Variants in NFIA observed in about 807,000 individuals in gnomAD.
NFIA encodes the protein nuclear factor 1 A-type.
In NFIA, 8 loss-of-function variants were observed where a neutral mutation model predicts 62.8. That is an observed-to-expected ratio of 0.13 (90% CI 0.07 to 0.23). The LOEUF is 0.23. NFIA is among the 10% of genes least tolerant of loss of function. The pLI is 1.00. For synonymous variants in NFIA, 235 were observed against 238.1 expected (o/e 0.99, Z 0.12); for missense variants, 410 against 642.1 (o/e 0.64, Z 3.91).
intron 2 of NFIA, among the ~76,000 whole-genome samples, chr1:61,206,689 G>A (rs1431929807): frequency 6.6e-6 from 1 of 152,166 alleles, no homozygotes; most frequent in African/African-American, 2.4e-5. Flanking sequence ...AAGATGCAAG[G>A]TGTAATCTAG....
chr1:61,441,331 G>GTGTGTGTGTGTGTCTGTCTGTC (rs1360188951), intron 10 of NFIA, among the ~76,000 whole-genome samples: 1 of 142,346 alleles, frequency 7.0e-6, no homozygotes, highest in African/African-American at 2.7e-5. Context: ...GTGTGTGTGT[G>GTGTGTGTGTGTGTCTGTCTGTC]TGTCTGTCTG....
intron 2 of NFIA, among the ~76,000 whole-genome samples, chr1:61,180,189 G>A: frequency 6.6e-6 from 1 of 151,744 alleles, no homozygotes. Context: ...ACCCACCCCA[G>A]TTAGCCCCTG....
At chr1:61,120,920 A>G (rs1358399023) in intron 2 of NFIA, among the ~76,000 whole-genome samples, 2 of 152,200 alleles carry the variant, frequency 1.3e-5, no homozygotes, top group Non-Finnish European at 2.9e-5. Flanking sequence ...GCATTTTATG[A>G]TATCTAATTA....
intron 2 of NFIA, among the ~76,000 whole-genome samples, chr1:61,191,542 G>A (rs942207320): frequency 6.6e-6 from 1 of 152,110 alleles, no homozygotes; most frequent in Admixed American, 6.6e-5. Context: ...AATTCAATTA[G>A]GCAGGAGATA....
At chr1:61,339,064 C>T (rs553940370) in intron 4 of NFIA, among the ~76,000 whole-genome samples, 1 of 152,294 alleles carries the variant, frequency 6.6e-6, no homozygotes, top group South Asian at 2.1e-4. Flanking sequence ...TTTGCCATTA[C>T]ACAATTCAAT....
intron 10 of NFIA, among the ~76,000 whole-genome samples, chr1:61,434,798 G>T (rs1667258246): frequency 6.6e-6 from 1 of 152,012 alleles, no homozygotes; most frequent in African/African-American, 2.4e-5. Context: ...GAGAACAGTG[G>T]CAATAGAGAA....
chr1:61,445,049 C>CA lies in NFIA; in HGVS notation c.1513-10252dup, dbSNP rs536271619. Among the ~76,000 whole-genome samples the CA allele has an allele frequency of 8.4e-3, 1,272 of 152,304 alleles. 12 individuals are homozygous for CA. The highest frequency in any genetic ancestry group is 0.024 in the Middle Eastern group (7 of 294). On this transcript the variant is annotated intron_variant, in intron 10 of 10. Coordinates refer to ENST00000403491, the MANE Select transcript of NFIA (RefSeq NM_001134673.4). ...GTGAGAATGATTTTGTACGCATGCTCAATTTTATAAAACACATTCTTGAAT... is the reference window on the plus strand; with the variant it reads ...GTGAGAATGATTTTGTACGCATGCTCAAATTTTATAAAACACATTCTTGAAT...
At chr1:61,375,198 G>A (rs1367015497) in intron 6 of NFIA, among the ~76,000 whole-genome samples, 1 of 152,212 alleles carries the variant, frequency 6.6e-6, no homozygotes, top group African/African-American at 2.4e-5. Context: ...GTATAGCTCT[G>A]CATCTGGAAG....
rs552638951 is a variant in NFIA, at chr1:61,263,771, G to A, written c.560-13749G>A. On this transcript the variant is annotated intron_variant, in intron 2 of 10. Coordinates refer to ENST00000403491, the MANE Select transcript of NFIA (RefSeq NM_001134673.4). ...GCACTTTGGGAGGCTGAGGCAGCTGGATCACTTGAGGCCAGGAAGTCAAGA... is the reference window on the plus strand; with the variant it reads ...GCACTTTGGGAGGCTGAGGCAGCTGAATCACTTGAGGCCAGGAAGTCAAGA... Among the ~76,000 whole-genome samples, 145 of 152,202 alleles carry A rather than the reference G, an allele frequency of 9.5e-4. 1 individual carries two copies. The highest frequency in any genetic ancestry group is 3.4e-3 in the Middle Eastern group (1 of 294).
At position 61,192,715 on chromosome 1, in the gene NFIA, GAAAA is replaced by G. The variant is rs577800486; in HGVS notation, c.560-84799_560-84796del. On this transcript the variant is annotated intron_variant, in intron 2 of 10. Coordinates refer to ENST00000403491, the MANE Select transcript of NFIA (RefSeq NM_001134673.4). ...GAGACTCTTGTCTCAAAAAAAAAAA[GAAAA>G]AAAAAGAAATGTCAAAGTAAGGAAG... Among the ~76,000 whole-genome samples, 312 of 147,550 alleles carry G rather than the reference GAAAA, an allele frequency of 2.1e-3. 3 individuals are homozygous for G. Among genetic ancestry groups the G allele is most frequent in the African/African-American group, 7.2e-3 (286 of 39,750 alleles).
rs1214989588 is a variant in NFIA, at chr1:61,458,704, T to G, written c.*3384T>G. The G allele has an allele frequency of 2.2e-5, 3 of 139,360 alleles. No individual in the cohort carries two copies. The highest frequency in any genetic ancestry group is 6.0e-5 in the African/African-American group (2 of 33,434). 8.6% of individuals were successfully genotyped at this position (139,360 alleles called of 1,614,324 possible). ...CCTGTTTCCTTTTTTTTTTTTTTTT[T>G]GTAAGTATTTAAATACAATTATTTT... On this transcript the variant is annotated 3_prime_UTR_variant, in exon 11 of 11. Transcript: ENST00000403491.
intron 3 of NFIA, among the ~76,000 whole-genome samples, chr1:61,281,391 C>G (rs556156803): frequency 6.6e-6 from 1 of 152,248 alleles, no homozygotes; most frequent in South Asian, 2.1e-4. Flanking sequence ...TAAAGCTTGT[C>G]GTATTTACAA....
In NFIA at chr1:61,459,020, TC is replaced by T. The variant is rs1668424732; in HGVS notation, c.*3701del. The T allele has an allele frequency of 6.6e-6, 1 of 152,176 alleles. No individual in the cohort carries two copies. Among genetic ancestry groups the T allele is most frequent in the African/African-American group, 2.4e-5 (1 of 41,440 alleles). 9.4% of individuals were successfully genotyped at this position (152,176 alleles called of 1,614,324 possible). On this transcript the variant is annotated 3_prime_UTR_variant, in exon 11 of 11. Transcript: ENST00000403491. ...TGTCCAGAAAGCAGCAGGAAACTAT[TC>T]AGTTGTGATCAAGCAGGAAAAAAGA...
At chr1:61,380,339 C>T (rs1019902684) in intron 6 of NFIA, among the ~76,000 whole-genome samples, 4 of 152,028 alleles carry the variant, frequency 2.6e-5, no homozygotes, top group African/African-American at 9.7e-5. Flanking sequence ...TTTTAAAAAT[C>T]TGGTACTTCT....
upstream of NFIA, among the ~76,000 whole-genome samples, chr1:61,081,279 A>T (rs1418989641): frequency 6.6e-6 from 1 of 151,754 alleles, no homozygotes; most frequent in Non-Finnish European, 1.5e-5. Flanking sequence ...CTGGAAAAGC[A>T]GGCTTACTGG....
intron 2 of NFIA, among the ~76,000 whole-genome samples, chr1:61,203,758 A>T (rs1228527333): frequency 6.6e-6 from 1 of 152,062 alleles, no homozygotes; most frequent in Non-Finnish European, 1.5e-5. Flanking sequence ...AGTGCTTGTG[A>T]TGTTCTTTGT....
chr1:61,176,813 G>C (rs1489670988), intron 2 of NFIA, among the ~76,000 whole-genome samples: 1 of 151,942 alleles, frequency 6.6e-6, no homozygotes, highest in African/African-American at 2.4e-5. Context: ...ATTTATTCAA[G>C]AGATACTTGG....
In NFIA at chr1:61,289,331, A is replaced by G. The variant is rs191799759; in HGVS notation, c.625+11746A>G. Among the ~76,000 whole-genome samples the G allele has an allele frequency of 2.5e-3, 384 of 152,290 alleles. 1 individual carries two copies. Among genetic ancestry groups the G allele is most frequent in the Non-Finnish European group, 4.2e-3 (285 of 68,022 alleles). On this transcript the variant is annotated intron_variant, in intron 3 of 10. Coordinates refer to ENST00000403491, the MANE Select transcript of NFIA (RefSeq NM_001134673.4). The stretch of plus-strand genomic sequence containing the variant: ...TTATTCATGGCCACCAGAGCCATGC[A>G]CTGTGCTGAGTTCTATATTCATGAT...
At chr1:61,383,143 G>A (rs761300009) in intron 6 of NFIA, 94 bp from the exon 7 acceptor site, 1 of 1,467,910 alleles carries the variant, frequency 6.8e-7, no homozygotes, top group Middle Eastern at 1.8e-4. Flanking sequence ...TTCTCTTTTT[G>A]TTTGTTTTTA....
Sources: allele counts gnomAD v4.1 joint callset (sites outside exome capture counted in the v4.1 genomes callset), GRCh38; gene constraint gnomAD v4.1.1; transcripts MANE v1.5; gene names NCBI Gene and HGNC (gene_info 2026-07-23, HGNC 2026-07-21).